Variants in STAT4 observed in about 807,000 individuals in gnomAD.
STAT4 encodes the protein signal transducer and activator of transcription 4.
In STAT4, 42 loss-of-function variants were observed where a neutral mutation model predicts 110.5. The observed-to-expected ratio is 0.38, with a 90% confidence interval of 0.30 to 0.49. STAT4 has a LOEUF of 0.49. STAT4 is among the 20% of genes least tolerant of loss of function. The probability of loss-of-function intolerance (pLI) is 0.95; values close to 1 mark genes in which losing one functional copy is unlikely to be tolerated. For missense variants in STAT4, 632 were observed against 887.9 expected, an observed-to-expected ratio of 0.71 and a Z score of 3.66; for synonymous variants, 284 against 302.2, an observed-to-expected ratio of 0.94 and a Z score of 0.63.
At chr2:191,106,071 G>A (rs116390504) in intron 3 of STAT4, among the ~76,000 whole-genome samples, 2,102 of 152,192 alleles carry the variant, frequency 0.014, 47 homozygotes, top group African/African-American at 0.048. Flanking sequence ...GGTCATTACC[G>A]CCTCAACTGA....
intron 18 of STAT4, 29 bp downstream of exon 18, chr2:191,034,519 C>T: frequency 6.3e-7 from 1 of 1,578,358 alleles, no homozygotes; most frequent in Non-Finnish European, 8.7e-7. Context: ...AAAAATGTAT[C>T]TAAATGATGT....
intron 14 of STAT4, chr2:191,041,786 G>C (rs1472195886): frequency 1.3e-5 from 2 of 152,300 alleles, no homozygotes; most frequent in African/African-American, 4.8e-5. Flanking sequence ...GAAGACTGCA[G>C]ACCAGGATGT....
intron 16 of STAT4, among the ~76,000 whole-genome samples, chr2:191,038,699 T>C (rs1696109720): frequency 6.6e-6 from 1 of 152,180 alleles, no homozygotes; most frequent in African/African-American, 2.4e-5. Context: ...CCAGATAGCA[T>C]TAAAACCCAG....
At chr2:191,100,407 A>C (rs1341326832) in intron 3 of STAT4, among the ~76,000 whole-genome samples, 3 of 152,186 alleles carry the variant, frequency 2.0e-5, no homozygotes, top group Non-Finnish European at 4.4e-5. Context: ...AAAACTGTGA[A>C]TCCTGGATTT....
intron 3 of STAT4, among the ~76,000 whole-genome samples, chr2:191,080,085 T>C (rs1697420150): frequency 1.3e-5 from 2 of 152,170 alleles, no homozygotes; most frequent in Non-Finnish European, 1.5e-5. Context: ...CATACACATT[T>C]AGACTTTTAT....
rs1205926495 is a variant in STAT4, at chr2:191,090,708, C to T, written c.274-14383G>A. On this transcript the variant is annotated intron_variant, in intron 3 of 23. Coordinates refer to ENST00000392320, the MANE Select transcript of STAT4 (RefSeq NM_003151.4). This position sits in a 1 kb window ranked among gnomAD's most constrained non-coding sequence, Gnocchi z 4.2. ...CCCGAGCAGCTGGGACTAGAGGCAC[C>T]CGCCACCATGCCCGGCTAATTTTTT... Among the ~76,000 whole-genome samples the T allele has an allele frequency of 6.6e-6, 1 of 152,128 alleles. No individual in the cohort carries two copies. The highest frequency in any genetic ancestry group is 2.1e-4 in the South Asian group (1 of 4,824).
chr2:191,076,230 G>A lies in STAT4; in HGVS notation c.369C>T (p.Val123=). ...TCACAAGGTCAGAAAATATTACCTG[G>A]ACAGGCATGTTGGCTGCAGCCAATA... The part of the protein sequence containing the change: ...RRILAAANMP[V]QGPLEKSLQS... Residue 123 remains valine (V), a synonymous_variant, in exon 4 of 24, where the codon GTC becomes GTT. Coordinates refer to ENST00000392320, the MANE Select transcript of STAT4 (RefSeq NM_003151.4). 2 of 1,612,146 alleles carry A rather than the reference G, an allele frequency of 1.2e-6. No homozygotes were observed. The highest frequency in any genetic ancestry group is 1.7e-6 in the Non-Finnish European group (2 of 1,178,610).
intron 1 of STAT4, among the ~76,000 whole-genome samples, chr2:191,149,895 T>A (rs1235383411): frequency 6.6e-6 from 1 of 152,138 alleles, no homozygotes; most frequent in Non-Finnish European, 1.5e-5. Context: ...TAACTAAAAC[T>A]TACAGGTAGA....
intron 3 of STAT4, among the ~76,000 whole-genome samples, chr2:191,084,098 C>A (rs1697563243): frequency 1.3e-5 from 2 of 151,984 alleles, no homozygotes; most frequent in South Asian, 4.2e-4. Flanking sequence ...CCCGTCTGTA[C>A]TAAAAATACA....
Position 191,077,056 on chromosome 2 carries a change from T to A in STAT4, c.274-731A>T, listed in dbSNP as rs1441440295. Among the ~76,000 whole-genome samples, 1 of 152,220 alleles carries A rather than the reference T, an allele frequency of 6.6e-6. No individual in the cohort carries two copies. The highest frequency in any genetic ancestry group is 1.5e-5 in the Non-Finnish European group (1 of 68,030). On this transcript the variant is annotated intron_variant, in intron 3 of 23. Coordinates refer to ENST00000392320, the MANE Select transcript of STAT4 (RefSeq NM_003151.4). The surrounding 1 kb of genome is among the most constrained non-coding windows in gnomAD (Gnocchi z 4.1). ...GGTACTGTTTGTGTCAACTAGCTCA[T>A]AGCTGCATTAGTATACTAGAGTGAA...
intron 3 of STAT4, among the ~76,000 whole-genome samples, chr2:191,084,873 A>G (rs1487517566): frequency 2.0e-5 from 3 of 151,962 alleles, no homozygotes. Context: ...TAAAAAGTTT[A>G]TGAAAATCTT....
chr2:191,051,122 C>T lies in STAT4; in HGVS notation c.1251+3368G>A, dbSNP rs912546466. 4.6e-5 allele frequency among the ~76,000 whole-genome samples: 7 copies of T among 152,128 alleles called. No homozygotes were observed. The highest frequency in any genetic ancestry group is 1.0e-4 in the Non-Finnish European group (7 of 68,026). On this transcript the variant is annotated intron_variant, in intron 14 of 23. Coordinates refer to ENST00000392320, the MANE Select transcript of STAT4 (RefSeq NM_003151.4). The surrounding 1 kb of genome is among the most constrained non-coding windows in gnomAD (Gnocchi z 5.6). ...ATGAAATCCCATAAAGGGGCATACACAAATGGTGACCTGAGGTTTCAAGGA... is the reference window on the plus strand; with the variant it reads ...ATGAAATCCCATAAAGGGGCATACATAAATGGTGACCTGAGGTTTCAAGGA...
In STAT4 at chr2:191,042,105, A is replaced by G. The variant is rs1024782328; in HGVS notation, c.1252-957T>C. Among the ~76,000 whole-genome samples, 1 of 152,186 alleles carries G rather than the reference A, an allele frequency of 6.6e-6. No homozygotes were observed. The highest frequency in any genetic ancestry group is 2.4e-5 in the African/African-American group (1 of 41,444). Reference sequence around the variant, plus strand: ...AGGTAACATACAGCTACTGCCTTCTATACCCAACACCGTCCTCCAACACCC... The same window carrying G: ...AGGTAACATACAGCTACTGCCTTCTGTACCCAACACCGTCCTCCAACACCC... On this transcript the variant is annotated intron_variant, in intron 14 of 23. Coordinates refer to ENST00000392320, the MANE Select transcript of STAT4 (RefSeq NM_003151.4). This position sits in a 1 kb window ranked among gnomAD's most constrained non-coding sequence, Gnocchi z 4.2.
rs201536726 is a variant in STAT4, at chr2:191,062,059, AT to A, written c.942-239del. Among the ~76,000 whole-genome samples, 12 of 151,696 alleles carry A rather than the reference AT, an allele frequency of 7.9e-5. No individual in the cohort carries two copies. Among genetic ancestry groups the A allele is most frequent in the African/African-American group, 2.2e-4 (9 of 41,376 alleles). ...AATAAAAGCCCCAGTCCATTTAGTA[AT>A]TTTTTTTTCTTTTGAGAAGGGTCTC... On this transcript the variant is annotated intron_variant, in intron 9 of 23. Coordinates refer to ENST00000392320, the MANE Select transcript of STAT4 (RefSeq NM_003151.4). The surrounding 1 kb of genome is among the most constrained non-coding windows in gnomAD (Gnocchi z 4.9).
chr2:191,055,440 C>T (rs1446757411), intron 13 of STAT4, among the ~76,000 whole-genome samples: 1 of 136,312 alleles, frequency 7.3e-6, no homozygotes, highest in Admixed American at 8.3e-5. Flanking sequence ...AGGATGGTCT[C>T]GATCTCCTGA....
At chr2:191,049,348 TG>T (rs1250512705) in intron 14 of STAT4, among the ~76,000 whole-genome samples, 4 of 151,984 alleles carry the variant, frequency 2.6e-5, no homozygotes, top group Non-Finnish European at 5.9e-5. Context: ...GCTAATTTTT[TG>T]TATTTTTTAG....
At chr2:191,089,406 C>T (rs1037491975) in intron 3 of STAT4, among the ~76,000 whole-genome samples, 4 of 152,166 alleles carry the variant, frequency 2.6e-5, no homozygotes, top group Admixed American at 2.6e-4. Flanking sequence ...ACTGATCACA[C>T]CAAATGTTGA....
In STAT4 at chr2:191,031,147, T is replaced by C. The variant is rs1695882042; in HGVS notation, c.2112-67A>G. ...ATAATAATAGTTCACGGTGACTTAC[T>C]ATGTCAGGAACTCATTTCTAGGGCT... On this transcript the variant is annotated intron_variant, in intron 22 of 23. Coordinates refer to ENST00000392320, the MANE Select transcript of STAT4 (RefSeq NM_003151.4). The surrounding 1 kb of genome is among the most constrained non-coding windows in gnomAD (Gnocchi z 4.8). The C allele has an allele frequency of 6.6e-7, 1 of 1,510,156 alleles. No individual in the cohort carries two copies. The highest frequency in any genetic ancestry group is 1.4e-5 in the African/African-American group (1 of 72,782). 93.5% of individuals were successfully genotyped at this position (1,510,156 alleles called of 1,614,324 possible). A position where few individuals can be genotyped will look rare whatever the true frequency, so the allele number is the denominator to read the frequency against.
chr2:191,076,030 T>A, intron 4 of STAT4, 197 bp downstream of exon 4: 1 of 501,976 alleles, frequency 2.0e-6, no homozygotes, highest in Non-Finnish European at 3.6e-6. Context: ...TTAATTTTTT[T>A]TTTTTTGGAG....
Sources: gnomAD v4.1 joint callset for allele counts (sites outside exome capture counted in the v4.1 genomes callset) on GRCh38, gnomAD v4.1.1 for gene constraint, Gnocchi (gnomAD v3.1) non-coding constraint, MANE v1.5 for transcripts, NCBI Gene and HGNC (gene_info 2026-07-23, HGNC 2026-07-21) for gene names.